CPNE4: variants seen among roughly 807,000 people sequenced by gnomAD.
CPNE4 encodes the protein copine-4.
A neutral mutation model predicts 67.9 loss-of-function variants in CPNE4; 25 were observed. The ratio of observed to expected loss-of-function variants is 0.37; its 90% confidence interval spans 0.27 to 0.51. The LOEUF is 0.51. Among genes scored for constraint, CPNE4 ranks in the 20% least tolerant of loss-of-function variants. The pLI is 0.93. For synonymous variants in CPNE4, 242 were observed against 244.9 expected, an observed-to-expected ratio of 0.99 and a Z score of 0.11; for missense variants, 464 against 690.8, an observed-to-expected ratio of 0.67 and a Z score of 3.68.
intron 3 of CPNE4, among the ~76,000 whole-genome samples, chr3:131,720,801 C>T (rs972686773): frequency 5.3e-5 from 8 of 152,152 alleles, no homozygotes; most frequent in Non-Finnish European, 8.8e-5. Flanking sequence ...TCCACTATGG[C>T]GTTTCCTTCA....
chr3:131,930,131 G>A (rs371952864), intron 1 of CPNE4, among the ~76,000 whole-genome samples: 8 of 152,162 alleles, frequency 5.3e-5, no homozygotes, highest in African/African-American at 1.7e-4. Flanking sequence ...TTAACAAGAG[G>A]TAGTGGAAAG....
intron 2 of CPNE4, among the ~76,000 whole-genome samples, chr3:131,872,203 G>C (rs2087245368): frequency 6.6e-6 from 1 of 152,052 alleles, no homozygotes; most frequent in South Asian, 2.1e-4. Context: ...TGTAGAGAGA[G>C]AGAGAGAAAC....
chr3:132,039,100 T>C (rs1362481773), upstream of CPNE4, among the ~76,000 whole-genome samples: 1 of 152,256 alleles, frequency 6.6e-6, no homozygotes, highest in East Asian at 1.9e-4. Flanking sequence ...GTAGCTAACA[T>C]CTTGGATAGT....
At chr3:131,906,301 G>A (rs1318761102) in intron 1 of CPNE4, among the ~76,000 whole-genome samples, 1 of 151,510 alleles carries the variant, frequency 6.6e-6, no homozygotes, top group African/African-American at 2.4e-5. Context: ...TGGGCACAAT[G>A]TGCAGGTTAG....
At chr3:131,735,069 A>C (rs1434542354) in intron 2 of CPNE4, among the ~76,000 whole-genome samples, 1 of 152,208 alleles carries the variant, frequency 6.6e-6, no homozygotes, top group Non-Finnish European at 1.5e-5. Context: ...GCACTTCAGC[A>C]TCAGGGTTTA....
intron 2 of CPNE4, among the ~76,000 whole-genome samples, chr3:131,743,134 G>A (rs2082397001): frequency 6.6e-6 from 1 of 152,164 alleles, no homozygotes; most frequent in Admixed American, 6.5e-5. Context: ...AACAATGACA[G>A]ATTCAGGAAG....
At chr3:131,944,671 T>C (rs1583490112) in intron 1 of CPNE4, among the ~76,000 whole-genome samples, 1 of 148,512 alleles carries the variant, frequency 6.7e-6, no homozygotes, top group East Asian at 2.0e-4. Context: ...ACTTGGTGGG[T>C]TTGTGTAGTG....
intron 3 of CPNE4, among the ~76,000 whole-genome samples, chr3:131,715,499 T>G (rs1008775271): frequency 6.6e-6 from 1 of 152,210 alleles, no homozygotes; most frequent in African/African-American, 2.4e-5. Flanking sequence ...GATCGACAAC[T>G]TGCTGTGTGA....
chr3:131,766,022 T>G (rs2083002504), intron 2 of CPNE4, among the ~76,000 whole-genome samples: 1 of 151,984 alleles, frequency 6.6e-6, no homozygotes, highest in Non-Finnish European at 1.5e-5. Context: ...GCCTTGAAAT[T>G]GATAGGTTGG....
At chr3:131,567,488 C>T (rs1937119033) in intron 10 of CPNE4, among the ~76,000 whole-genome samples, 1 of 151,980 alleles carries the variant, frequency 6.6e-6, no homozygotes, top group African/African-American at 2.4e-5. Flanking sequence ...AGGAGGCACT[C>T]ACTCTCAGCA....
intron 2 of CPNE4, among the ~76,000 whole-genome samples, chr3:131,738,699 G>T (rs937324711): frequency 1.3e-5 from 2 of 151,952 alleles, no homozygotes; most frequent in African/African-American, 4.8e-5. Flanking sequence ...TAATTACCTA[G>T]GGGATATGTT....
At chr3:131,831,475 T>C (rs576582920) in intron 2 of CPNE4, among the ~76,000 whole-genome samples, 4 of 152,110 alleles carry the variant, frequency 2.6e-5, no homozygotes, top group Non-Finnish European at 5.9e-5. Context: ...TTAGCACAAA[T>C]AGATGAGAAA....
At chr3:131,806,549 C>CAAAAAA (rs58302207) in intron 2 of CPNE4, among the ~76,000 whole-genome samples, 16 of 72,882 alleles carry the variant, frequency 2.2e-4, no homozygotes, top group Middle Eastern at 7.4e-3. Context: ...GACTCCGTCT[C>CAAAAAA]AAAAAAAAAA....
At chr3:131,783,274 A>G (rs2083471806) in intron 2 of CPNE4, among the ~76,000 whole-genome samples, 1 of 152,074 alleles carries the variant, frequency 6.6e-6, no homozygotes, top group African/African-American at 2.4e-5. Flanking sequence ...GATCTTCTCA[A>G]CCACCCTATG....
At chr3:131,565,837 G>C (rs1177483845) in intron 10 of CPNE4, among the ~76,000 whole-genome samples, 2 of 149,316 alleles carry the variant, frequency 1.3e-5, no homozygotes, top group African/African-American at 5.0e-5. Flanking sequence ...AAAAAAAAAG[G>C]TTATCTGAAG....
intron 1 of CPNE4, among the ~76,000 whole-genome samples, chr3:131,910,603 A>G (rs1583441634): frequency 6.6e-6 from 1 of 152,140 alleles, no homozygotes; most frequent in African/African-American, 2.4e-5. Flanking sequence ...GGTTCAGCCT[A>G]TTTAACTCCA....
rs2082819623 is a variant in CPNE4, at chr3:131,758,868, TCTCTTGCTG to T, written c.181-35252_181-35244del. On this transcript the variant is annotated intron_variant, in intron 2 of 15. Coordinates refer to ENST00000429747, the MANE Select transcript of CPNE4 (RefSeq NM_130808.3). ...TTCCGCTTTTGCTTATTCCTCATTT[TCTCTTGCTG>T]CTGCCATGTAAGAAGTGCCTTTTGC... Among the ~76,000 whole-genome samples, 6 of 152,210 alleles carry T rather than the reference TCTCTTGCTG, an allele frequency of 3.9e-5. No homozygotes were observed. In the South Asian group the frequency reaches 1.3e-3, roughly 32 times the overall value.
intron 2 of CPNE4, among the ~76,000 whole-genome samples, chr3:131,890,950 G>A (rs2088089047): frequency 1.3e-5 from 2 of 152,050 alleles, no homozygotes; most frequent in South Asian, 4.1e-4. Flanking sequence ...TGAGGAGGGG[G>A]CATACAGGAA....
At chr3:131,947,060 A>T (rs1272648922) in intron 1 of CPNE4, among the ~76,000 whole-genome samples, 1 of 152,168 alleles carries the variant, frequency 6.6e-6, no homozygotes. Flanking sequence ...CTACTGGTCT[A>T]TTTATCTACC....
Sources: gnomAD v4.1 joint callset for allele counts (sites outside exome capture counted in the v4.1 genomes callset) on GRCh38, gnomAD v4.1.1 for gene constraint, MANE v1.5 for transcripts, NCBI Gene and HGNC (gene_info 2026-07-23, HGNC 2026-07-21) for gene names.